Variants in SNAP91 observed in about 807,000 individuals in gnomAD.
The protein encoded by SNAP91 is clathrin coat assembly protein AP180.
SNAP91 carries 27 observed loss-of-function variants against 100.3 expected under a neutral mutation model. The observed-to-expected ratio is 0.27, with a 90% CI of 0.20 to 0.37. SNAP91 has a LOEUF of 0.37. Ranked by LOEUF, SNAP91 falls within the 10% of genes least tolerant of loss-of-function variation. The pLI is 1.00. For missense variants in SNAP91, 986 were observed against 1,123.7 expected, an observed-to-expected ratio of 0.88 and a Z score of 1.75; for synonymous variants, 404 against 398.6, an observed-to-expected ratio of 1.01 and a Z score of -0.16.
At chr6:83,607,001 T>C (rs1365978890) in intron 13 of SNAP91, among the ~76,000 whole-genome samples, 1 of 152,214 alleles carries the variant, frequency 6.6e-6, no homozygotes, top group Non-Finnish European at 1.5e-5. Context: ...TTGGATTTCT[T>C]GCTCAGTTCA....
intron 7 of SNAP91, among the ~76,000 whole-genome samples, chr6:83,651,142 T>C (rs911215817): frequency 2.6e-5 from 4 of 152,128 alleles, no homozygotes; most frequent in African/African-American, 9.6e-5. Context: ...TGTGTCCTCT[T>C]TTTTTTCTTT....
intron 2 of SNAP91, among the ~76,000 whole-genome samples, chr6:83,697,493 T>A (rs1317631004): frequency 1.3e-5 from 2 of 152,174 alleles, no homozygotes; most frequent in African/African-American, 4.8e-5. Flanking sequence ...ATATAATTGT[T>A]AAAATCTAAC....
rs2098650811 is a variant in SNAP91 at position 83,665,020 on chromosome 6, T to C, written c.273+419A>G. ...AGATGATCATTTGATAATAATTTTT[T>C]AGCAATAAAGGATTTTTAAATTAAG... On this transcript the variant is annotated intron_variant, in intron 3 of 29. Transcript: ENST00000369694. Among the ~76,000 whole-genome samples, 4 of 152,136 alleles carry C rather than the reference T, an allele frequency of 2.6e-5. 1 individual carries two copies. The highest frequency in any genetic ancestry group is 4.1e-4 in the South Asian group (2 of 4,830).
At chr6:83,588,853 G>C (rs1384311169) in intron 22 of SNAP91, among the ~76,000 whole-genome samples, 1 of 152,164 alleles carries the variant, frequency 6.6e-6, no homozygotes, top group African/African-American at 2.4e-5. Flanking sequence ...TCCTGGAGTA[G>C]ACAATGTGGC....
At chr6:83,557,856 G>A (rs1272294324) in intron 28 of SNAP91, among the ~76,000 whole-genome samples, 1 of 151,710 alleles carries the variant, frequency 6.6e-6, no homozygotes, top group Non-Finnish European at 1.5e-5. Flanking sequence ...AGAATGCTGC[G>A]ATAGTCCAGG....
intron 5 of SNAP91, 130 bp from the exon 6 acceptor site, chr6:83,659,222 A>C: frequency 2.9e-6 from 2 of 682,446 alleles, no homozygotes; most frequent in Non-Finnish European, 4.9e-6. Flanking sequence ...AATTTGAGGT[A>C]TTACAAGGTT....
chr6:83,601,390 T>C lies in SNAP91; in HGVS notation c.1205A>G (p.Asp402Gly). Residue 402 changes from aspartate (D) to glycine (G), a missense_variant, in exon 16 of 30, where the codon GAT (aspartate) becomes GGT (glycine). By Grantham distance (94) the Asp-to-Gly change is moderately conservative. This residue lies in a region of SNAP91 where 575 missense variants were observed against 579.9 expected (regional missense o/e 0.99). Coordinates refer to ENST00000369694, the MANE Select transcript of SNAP91 (RefSeq NM_001242792.2). The part of the protein sequence containing the change: ...SSVPSEAQIS[D>G]PFAPEPTPPT... ...AGGGGTAGGTTCTGGTGCAAATGGA[T>C]CTGAAATCTGTGCTTCAGAGGGAAC... The C allele has an allele frequency of 6.2e-7, 1 of 1,613,586 alleles. No homozygotes were observed.
chr6:83,558,527 T>C (rs1039963484), intron 28 of SNAP91, among the ~76,000 whole-genome samples: 3 of 152,228 alleles, frequency 2.0e-5, no homozygotes, highest in East Asian at 1.9e-4. Flanking sequence ...TCCACCATTC[T>C]TTCTCTTGGT....
intron 2 of SNAP91, among the ~76,000 whole-genome samples, chr6:83,670,442 T>C (rs1179470412): frequency 6.6e-6 from 1 of 151,896 alleles, no homozygotes; most frequent in Non-Finnish European, 1.5e-5. Flanking sequence ...AAGTCCTCTA[T>C]CATACATGTG....
At chr6:83,596,192 T>C (rs1279353995) in intron 16 of SNAP91, among the ~76,000 whole-genome samples, 3 of 152,142 alleles carry the variant, frequency 2.0e-5, no homozygotes, top group African/African-American at 7.2e-5. Flanking sequence ...CGGACTGGGA[T>C]TACAGGCCTA....
chr6:83,705,811 A>G (rs1446596097), intron 2 of SNAP91, among the ~76,000 whole-genome samples: 1 of 151,818 alleles, frequency 6.6e-6, no homozygotes, highest in South Asian at 2.1e-4. Context: ...TCTCACAAAG[A>G]GAAAAAAAAA....
chr6:83,572,971 G>A (rs1811061098), intron 26 of SNAP91, among the ~76,000 whole-genome samples: 2 of 152,188 alleles, frequency 1.3e-5, no homozygotes, highest in South Asian at 2.1e-4. Flanking sequence ...GCTATCAAAT[G>A]TTTCATACCT....
intron 26 of SNAP91, among the ~76,000 whole-genome samples, chr6:83,563,907 C>T (rs1467551925): frequency 6.6e-6 from 1 of 152,130 alleles, no homozygotes; most frequent in African/African-American, 2.4e-5. Flanking sequence ...GAAGACTTAA[C>T]ATTAAGATGG....
intron 8 of SNAP91, among the ~76,000 whole-genome samples, chr6:83,626,659 G>A (rs1328417028): frequency 6.6e-6 from 1 of 151,902 alleles, no homozygotes; most frequent in Non-Finnish European, 1.5e-5. Context: ...TCTCAGATTG[G>A]AAGTTATTAG....
chr6:83,576,181 A>T, intron 24 of SNAP91, 128 bp from the exon 25 acceptor site: 1 of 504,990 alleles, frequency 2.0e-6, no homozygotes, highest in Non-Finnish European at 3.5e-6. Flanking sequence ...GACTGCATTC[A>T]GTTATACAGA....
chr6:83,630,776 A>T (rs201968612), intron 8 of SNAP91, among the ~76,000 whole-genome samples: 6 of 12,068 alleles, frequency 5.0e-4, no homozygotes, highest in African/African-American at 1.2e-3. Flanking sequence ...ATTTTATCTT[A>T]AAAAAAAAAA....
Position 83,582,268 on chromosome 6 carries a change from A to C in SNAP91, c.2103T>G (p.Phe701Leu). 6.2e-7 allele frequency: 1 copy of C among 1,613,752 alleles called. No individual in the cohort carries two copies. The highest frequency in any genetic ancestry group is 8.5e-7 in the Non-Finnish European group (1 of 1,179,742). ...TGCTGGAAGTTGAAGGCGTTGTCCC[A>C]AAAGCTGCCTCAAAATTGGGCTGTA... ...NLLQPNFEAA[F>L]GTTPSTSSSS... The change falls in exon 23 of 30, where the codon TTT becomes TTG. Residue 701 changes from phenylalanine to leucine, a missense_variant. This residue lies in a region of SNAP91 where 575 missense variants were observed against 579.9 expected (regional missense o/e 0.99). Transcript: ENST00000369694.
intron 16 of SNAP91, among the ~76,000 whole-genome samples, chr6:83,600,208 A>G (rs2095011957): frequency 6.6e-6 from 1 of 152,224 alleles, no homozygotes; most frequent in South Asian, 2.1e-4. Flanking sequence ...AGCAGTGGCA[A>G]CAAAGCTGTG....
At chr6:83,691,615 G>A (rs574506988) in intron 2 of SNAP91, among the ~76,000 whole-genome samples, 9 of 152,004 alleles carry the variant, frequency 5.9e-5, no homozygotes, top group African/African-American at 1.4e-4. Flanking sequence ...TGGCATTTAC[G>A]TCTTCAGCTC....
Sources: gnomAD v4.1 joint callset for allele counts (sites outside exome capture counted in the v4.1 genomes callset) on GRCh38, gnomAD v4.1.1 for gene constraint, gnomAD v4.1.1 regional missense constraint, MANE v1.5 for transcripts, NCBI Gene and HGNC (gene_info 2026-07-23, HGNC 2026-07-21) for gene names.